The following CFAP69 variants were observed in gnomAD, a reference collection of about 807,000 sequenced individuals.
The protein encoded by CFAP69 is cilia and flagella associated protein 69.
CFAP69 carries 92 observed loss-of-function variants against 123.0 expected under a neutral mutation model. The ratio of observed to expected loss-of-function variants is 0.75; its 90% CI spans 0.63 to 0.89. The LOEUF (loss-of-function observed/expected upper bound fraction) is 0.89. Among genes scored for constraint, CFAP69 ranks in the 40% least tolerant of loss-of-function variants. CFAP69 has a pLI of 0.00. For missense variants in CFAP69, 1,067 were observed against 1,096.9 expected, an observed-to-expected ratio of 0.97 and a Z score of 0.39; for synonymous variants, 380 against 364.3, an observed-to-expected ratio of 1.04 and a Z score of -0.49.
At chr7:90,300,195 A>G (rs932494926) in intron 17 of CFAP69, 136 bp downstream of exon 17, 21 of 1,196,148 alleles carry the variant, frequency 1.8e-5, no homozygotes, top group Non-Finnish European at 2.2e-5. Context: ...GGGTTTGAAA[A>G]ATTTGCTATC....
At chr7:90,253,036 G>A (rs1224164628) in intron 1 of CFAP69, among the ~76,000 whole-genome samples, 1 of 152,150 alleles carries the variant, frequency 6.6e-6, no homozygotes, top group Non-Finnish European at 1.5e-5. Context: ...AATAAAAATA[G>A]ATGCATTTAC....
Position 90,299,881 on chromosome 7 carries a change from A to G in CFAP69, c.1872A>G (p.Lys624=). 6.2e-7 allele frequency: 1 copy of G among 1,602,370 alleles called. No homozygotes were observed. ...CCTTGCTAAAGTTGAACCAAAAAAA[A>G]TTCTGTAATCTAATACTTGGAATAA... is the stretch of plus-strand genomic sequence containing the variant. ...LLDLLALNQK[K]FCNLILGIMV... Residue 624 remains lysine, a synonymous_variant, in exon 17 of 23, where the codon AAA becomes AAG. Transcript: ENST00000389297.
Position 90,306,934 on chromosome 7 carries a change from AT to A in CFAP69, c.2300del (p.Ile767LysfsTer3). ...AATATGGAATGAAATATATGAAGAAATAAAATTAGAAAAATTAAGACCAGTC... is the reference window on the plus strand; with the variant it reads ...AATATGGAATGAAATATATGAAGAAAAAAATTAGAAAAATTAAGACCAGTC... ...GEIWNEIYEE[I>X]KLEKLRPVTT... On this transcript the variant is annotated frameshift_variant, in exon 20 of 23. Coordinates refer to ENST00000389297, the MANE Select transcript of CFAP69 (RefSeq NM_001039706.3). LOFTEE classifies it high-confidence loss of function. The A allele has an allele frequency of 6.4e-7, 1 of 1,560,722 alleles. No individual in the cohort carries two copies. The highest frequency in any genetic ancestry group is 8.8e-7 in the Non-Finnish European group (1 of 1,139,350).
At chr7:90,315,975 T>C (rs1258565275), downstream of CFAP69, among the ~76,000 whole-genome samples, 1 of 151,956 alleles carries the variant, frequency 6.6e-6, no homozygotes, top group East Asian at 1.9e-4. Context: ...GTGCCTATAA[T>C]CCCACCTACT....
At chr7:90,278,514 T>G (rs977974669) in intron 11 of CFAP69, among the ~76,000 whole-genome samples, 39 of 152,092 alleles carry the variant, frequency 2.6e-4, no homozygotes, top group Non-Finnish European at 8.8e-5. Context: ...TTCCATAAAG[T>G]ATGGTTTATT....
At chr7:90,246,315 C>T (rs548589842) in intron 1 of CFAP69, among the ~76,000 whole-genome samples, 1 of 152,294 alleles carries the variant, frequency 6.6e-6, no homozygotes, top group East Asian at 1.9e-4. Context: ...CCAGAGAGCC[C>T]TGATCGTGCC....
the CFAP69 span, chr7:90,318,536 G>A: frequency 6.6e-6 from 1 of 151,944 alleles, no homozygotes; most frequent in Non-Finnish European, 1.5e-5. Context: ...ATTAGTTTTG[G>A]CACAGTTTAA....
In CFAP69 at chr7:90,258,082, A is replaced by T; in HGVS notation, c.181-16A>T. The T allele has an allele frequency of 6.3e-7, 1 of 1,594,454 alleles. No individual in the cohort carries two copies. Among genetic ancestry groups the T allele is most frequent in the Non-Finnish European group, 8.6e-7 (1 of 1,168,610 alleles). ...TTTAAAAGCACAAAAGAACTAAAAT[A>T]GGTGATCTGTTTTAGGATGGCTTGG... On this transcript the variant is annotated splice_polypyrimidine_tract_variant and intron_variant, in intron 2 of 22. Transcript: ENST00000389297.
chr7:90,271,138 T>C (rs1209161682), intron 6 of CFAP69, among the ~76,000 whole-genome samples: 1 of 152,132 alleles, frequency 6.6e-6, no homozygotes, highest in Admixed American at 6.6e-5. Flanking sequence ...GAATTTAGGA[T>C]GTTTCCAAAA....
chr7:90,266,100 A>T (rs1233950388), intron 5 of CFAP69: 1 of 152,170 alleles, frequency 6.6e-6, no homozygotes, highest in Admixed American at 6.5e-5. Context: ...GTGCATTTTT[A>T]AAAATATTTA....
intron 8 of CFAP69, among the ~76,000 whole-genome samples, chr7:90,273,398 CA>C (rs892320669): frequency 1.3e-5 from 2 of 151,994 alleles, no homozygotes. Flanking sequence ...AATGGTTTTA[CA>C]AAGGAAAATG....
At chr7:90,289,770 T>A (rs1294889796) in intron 15 of CFAP69, among the ~76,000 whole-genome samples, 1 of 152,204 alleles carries the variant, frequency 6.6e-6, no homozygotes, top group Non-Finnish European at 1.5e-5. Flanking sequence ...CATTTAGACC[T>A]ACAATCTACC....
chr7:90,312,140 T>C (rs1022833637), downstream of CFAP69, among the ~76,000 whole-genome samples: 6 of 152,220 alleles, frequency 3.9e-5, no homozygotes, highest in African/African-American at 1.4e-4. Flanking sequence ...GATAATGTGA[T>C]GGTGGCCTCA....
rs779698106 is a variant in CFAP69, at chr7:90,286,393, A to G, written c.1650A>G (p.Gln550=). Residue 550 remains glutamine (Q), a synonymous_variant, in exon 14 of 23, where the codon CAA becomes CAG. Transcript: ENST00000389297. The part of the protein sequence containing the change: ...ILSGLCENHI[Q]RKEIFGTEGV... ...CTGGCCTTTGTGAGAATCACATTCA[A>G]AGGAAGGTATGTATGCCTGTGAAAG... is the stretch of plus-strand genomic sequence containing the variant. The G allele has an allele frequency of 2.5e-6, 4 of 1,611,694 alleles. No homozygotes were observed. The highest frequency in any genetic ancestry group is 2.5e-6 in the Non-Finnish European group (3 of 1,179,180).
the CFAP69 span, among the ~76,000 whole-genome samples, chr7:90,323,010 C>T: frequency 2.6e-5 from 4 of 152,118 alleles, no homozygotes; most frequent in East Asian, 7.7e-4. Flanking sequence ...CCAAATGAAG[C>T]TTAACAAAAA....
chr7:90,319,309 T>C, the CFAP69 span: 2 of 398,416 alleles, frequency 5.0e-6, no homozygotes, highest in Non-Finnish European at 8.9e-6. Flanking sequence ...AAATAGTGAC[T>C]TTTAAAGAAA....
At chr7:90,293,299 A>G (rs1791470362) in intron 15 of CFAP69, among the ~76,000 whole-genome samples, 2 of 152,156 alleles carry the variant, frequency 1.3e-5, no homozygotes, top group African/African-American at 4.8e-5. Context: ...ATATCTACCC[A>G]ATTTTAATGT....
At chr7:90,284,137 G>T (rs549649434) in intron 13 of CFAP69, among the ~76,000 whole-genome samples, 2 of 152,176 alleles carry the variant, frequency 1.3e-5, no homozygotes, top group East Asian at 3.9e-4. Flanking sequence ...TAGGGAAAAG[G>T]GAAAACAAAT....
downstream of CFAP69, among the ~76,000 whole-genome samples, chr7:90,314,558 G>T (rs972629244): frequency 6.6e-6 from 1 of 152,000 alleles, no homozygotes; most frequent in Admixed American, 6.5e-5. Context: ...GAGCCCAGGA[G>T]GTTGAAGTTG....
Sources: gnomAD v4.1 joint callset for allele counts (sites outside exome capture counted in the v4.1 genomes callset) on GRCh38, gnomAD v4.1.1 for gene constraint, MANE v1.5 for transcripts, NCBI Gene and HGNC (gene_info 2026-07-23, HGNC 2026-07-21) for gene names.